Variants in LUZP2 observed in about 807,000 individuals in gnomAD.
LUZP2 encodes the protein leucine zipper protein 2.
Under a neutral mutation model 51.6 loss-of-function variants are expected in LUZP2, and 52 were observed. That is an observed-to-expected ratio of 1.01 (90% CI 0.81 to 1.27). LUZP2 has a LOEUF of 1.27. Among genes scored for constraint, LUZP2 ranks in the 50% most tolerant of loss-of-function variants. The pLI is 0.00. For synonymous variants in LUZP2, 154 were observed against 137.3 expected (o/e 1.12, Z -0.85); for missense variants, 436 against 395.4 (o/e 1.10, Z -0.87).
intron 1 of LUZP2, among the ~76,000 whole-genome samples, chr11:24,574,268 C>G (rs796556515): frequency 3.1e-4 from 1 of 3,218 alleles, no homozygotes; most frequent in East Asian, 0.02. Flanking sequence ...TTCTTGCTTT[C>G]TTTCTTTCTT....
intron 5 of LUZP2, chr11:24,785,903 A>C (rs1224381469): frequency 1.0e-6 from 1 of 985,358 alleles, no homozygotes; most frequent in Non-Finnish European, 1.2e-6. Context: ...AATTGGCAGC[A>C]GTTATAACTA....
At chr11:24,612,693 G>A (rs1472716109) in intron 1 of LUZP2, among the ~76,000 whole-genome samples, 1 of 152,156 alleles carries the variant, frequency 6.6e-6, no homozygotes, top group African/African-American at 2.4e-5. Context: ...TTTCTGCTGG[G>A]TATAAAGTGG....
intron 5 of LUZP2, among the ~76,000 whole-genome samples, chr11:24,894,647 C>A (rs1565068833): frequency 6.7e-6 from 1 of 148,854 alleles, no homozygotes; most frequent in Non-Finnish European, 1.5e-5. Context: ...TTATCCTTAT[C>A]TTTATGTCTA....
intron 9 of LUZP2, among the ~76,000 whole-genome samples, chr11:25,039,552 C>T (rs1313713034): frequency 2.0e-5 from 3 of 152,074 alleles, no homozygotes; most frequent in South Asian, 2.1e-4. Flanking sequence ...CCAACTCTGC[C>T]GGAGCTGACC....
chr11:24,535,022 G>T (rs561853459), intron 1 of LUZP2, among the ~76,000 whole-genome samples: 1 of 151,200 alleles, frequency 6.6e-6, no homozygotes, highest in African/African-American at 2.4e-5. Context: ...GCACATGAAC[G>T]TTTTGCTTTC....
intron 5 of LUZP2, among the ~76,000 whole-genome samples, chr11:24,789,093 C>T (rs538109609): frequency 6.6e-6 from 1 of 152,260 alleles, no homozygotes; most frequent in African/African-American, 2.4e-5. Flanking sequence ...GTTCATGGAC[C>T]CTTGGTGGTG....
At chr11:24,727,830 T>G (rs2631433) in intron 1 of LUZP2, among the ~76,000 whole-genome samples, 124,340 of 151,784 alleles carry the variant, frequency 0.82, 51,457 homozygotes, top group African/African-American at 0.94. Flanking sequence ...GAGTGCTAGA[T>G]ACCTATATTT....
intron 9 of LUZP2, among the ~76,000 whole-genome samples, chr11:24,987,696 C>T (rs1856228274): frequency 6.6e-6 from 1 of 151,882 alleles, no homozygotes; most frequent in Non-Finnish European, 1.5e-5. Flanking sequence ...TCTTTAGGAG[C>T]TTAAAGACAT....
intron 1 of LUZP2, among the ~76,000 whole-genome samples, chr11:24,594,798 C>A (rs1853380072): frequency 8.3e-6 from 1 of 121,052 alleles, no homozygotes; most frequent in African/African-American, 3.3e-5. Context: ...CTTGCTCTGT[C>A]GCTCAGGCTG....
chr11:24,996,586 TA>T, intron 9 of LUZP2, among the ~76,000 whole-genome samples: 1 of 9,582 alleles, frequency 1.0e-4, no homozygotes, highest in East Asian at 0.026. Flanking sequence ...TATTTTATTT[TA>T]TTTTATTTTA....
chr11:25,031,015 A>ATATTT (rs1406897346), intron 9 of LUZP2, among the ~76,000 whole-genome samples: 1 of 11,878 alleles, frequency 8.4e-5, no homozygotes, highest in Non-Finnish European at 1.7e-4. Flanking sequence ...ATATATATAT[A>ATATTT]TTTTTTTTTT....
intron 5 of LUZP2, among the ~76,000 whole-genome samples, chr11:24,905,627 G>C (rs1484081017): frequency 6.6e-6 from 1 of 152,166 alleles, no homozygotes; most frequent in Non-Finnish European, 1.5e-5. Flanking sequence ...AACAGCTATA[G>C]CATACACATG....
chr11:25,003,349 A>G (rs976672186), intron 9 of LUZP2, among the ~76,000 whole-genome samples: 3 of 152,184 alleles, frequency 2.0e-5, no homozygotes, highest in African/African-American at 7.2e-5. Flanking sequence ...TCAAAGGCAA[A>G]GAGAAACTGG....
rs1468764743 is a variant in LUZP2 at position 24,555,514 on chromosome 11, C to A, written c.62+58209C>A. Among the ~76,000 whole-genome samples, 3 of 152,138 alleles carry A rather than the reference C, an allele frequency of 2.0e-5. No homozygotes were observed. The East Asian group carries it at 5.8e-4, about 29-fold the overall frequency. ...AGTAATAAGCAGAAGTTTTACAGAA[C>A]TGGACTCAACCTCTCTCTGGTACCT... On this transcript the variant is annotated intron_variant, in intron 1 of 11. Transcript: ENST00000336930.
intron 9 of LUZP2, among the ~76,000 whole-genome samples, chr11:25,049,169 G>C (rs530349585): frequency 1.3e-5 from 2 of 152,194 alleles, no homozygotes; most frequent in East Asian, 3.9e-4. Context: ...AGTTTTCCTC[G>C]ACCCCTAATG....
At chr11:24,816,709 AG>A (rs1390270873) in intron 5 of LUZP2, among the ~76,000 whole-genome samples, 1 of 152,034 alleles carries the variant, frequency 6.6e-6, no homozygotes, top group Non-Finnish European at 1.5e-5. Context: ...CACCATGTTA[AG>A]TGTTTTACAA....
intron 7 of LUZP2, among the ~76,000 whole-genome samples, chr11:24,963,711 T>C (rs1384481864): frequency 2.0e-5 from 3 of 152,196 alleles, no homozygotes; most frequent in African/African-American, 4.8e-5. Flanking sequence ...TGACCCCTTG[T>C]GCTTCCCGAG....
At position 24,949,642 on chromosome 11, in the gene LUZP2, C is replaced by T. The variant is rs776082140; in HGVS notation, c.523-26949C>T. 2.7e-4 allele frequency among the ~76,000 whole-genome samples: 41 copies of T among 151,560 alleles called. 1 individual carries two copies. The highest frequency in any genetic ancestry group is 1.2e-3 in the East Asian group (6 of 5,170). Reference sequence around the variant, plus strand: ...GTACTGTGTGCTTCCTCAGAGGCAGCGGTTCGTAATACTGGATTTGAATGA... The same window carrying T: ...GTACTGTGTGCTTCCTCAGAGGCAGTGGTTCGTAATACTGGATTTGAATGA... On this transcript the variant is annotated intron_variant, in intron 7 of 11. Transcript: ENST00000336930.
chr11:24,622,568 A>G (rs1375290551), intron 1 of LUZP2, among the ~76,000 whole-genome samples: 4 of 152,266 alleles, frequency 2.6e-5, no homozygotes, highest in Admixed American at 1.3e-4. Context: ...GGGTCTTATC[A>G]CAATGATAAT....
Sources: gnomAD v4.1 joint callset for allele counts (sites outside exome capture counted in the v4.1 genomes callset) on GRCh38, gnomAD v4.1.1 for gene constraint, MANE v1.5 for transcripts, NCBI Gene and HGNC (gene_info 2026-07-23, HGNC 2026-07-21) for gene names.